Variants in PIGZ observed in about 807,000 individuals in gnomAD.
The protein encoded by PIGZ is phosphatidylinositol glycan anchor biosynthesis class Z (Gwada blood group).
Under a neutral mutation model 16.4 loss-of-function variants are expected in PIGZ, and 16 were observed. The observed-to-expected ratio is 0.97, with a 90% CI of 0.66 to 1.48. PIGZ has a LOEUF of 1.48. PIGZ is among the 40% of genes most tolerant of loss of function. PIGZ has a pLI of 0.00. For synonymous variants in PIGZ, 409 were observed against 338.4 expected (o/e 1.21, Z -2.29); for missense variants, 770 against 739.2 (o/e 1.04, Z -0.48).
rs1716903482 is a variant in PIGZ, at chr3:196,946,935, C to G, written c.*222G>C. On this transcript the variant is annotated 3_prime_UTR_variant, in exon 3 of 3. Coordinates refer to ENST00000412723, the MANE Select transcript of PIGZ (RefSeq NM_025163.4). ...GTCACTTAACCTGGTCTTTGGGGAC[C>G]TTGACATCAAGACCGACAGGTCAAA... 2 of 481,778 alleles carry G rather than the reference C, an allele frequency of 4.2e-6. No homozygotes were observed. The highest frequency in any genetic ancestry group is 8.4e-5 in the South Asian group (2 of 23,892). 29.8% of individuals were successfully genotyped at this position (481,778 alleles called of 1,614,324 possible).
Position 196,947,844 on chromosome 3 carries a change from C to T in PIGZ, c.1053G>A (p.Met351Ile). 6.2e-7 allele frequency: 1 copy of T among 1,612,862 alleles called. No individual in the cohort carries two copies. The highest frequency in any genetic ancestry group is 8.5e-7 in the Non-Finnish European group (1 of 1,179,174). The change falls in exon 3 of 3, where the codon ATG (methionine) becomes ATA (isoleucine). Residue 351 changes from methionine to isoleucine, a missense_variant. Coordinates refer to ENST00000412723, the MANE Select transcript of PIGZ (RefSeq NM_025163.4). ...LQVGLQASAQ[M>I]GLLRALGARS... Reference sequence around the variant, plus strand: ...GGGCACCCAGTGCCCTCAGGAGGCCCATTTGTGCAGAGGCCTGGAGGCCGA... The same window carrying T: ...GGGCACCCAGTGCCCTCAGGAGGCCTATTTGTGCAGAGGCCTGGAGGCCGA...
intron 1 of PIGZ, among the ~76,000 whole-genome samples, chr3:196,960,399 C>T (rs554814468): frequency 1.6e-4 from 25 of 152,170 alleles, no homozygotes; most frequent in Admixed American, 7.9e-4. Flanking sequence ...CGGCTGGGAG[C>T]GGTGGCTCAC....
intron 1 of PIGZ, among the ~76,000 whole-genome samples, chr3:196,966,185 T>C (rs1717918717): frequency 6.6e-6 from 1 of 152,208 alleles, no homozygotes; most frequent in Non-Finnish European, 1.5e-5. Flanking sequence ...GCTAATAACA[T>C]GGAGGTTAAG....
In PIGZ at chr3:196,948,041, A is replaced by G; in HGVS notation, c.856T>C (p.Ser286Pro). The G allele has an allele frequency of 6.3e-7, 1 of 1,593,636 alleles. No individual in the cohort carries two copies. The highest frequency in any genetic ancestry group is 2.2e-5 in the East Asian group (1 of 44,516). The change falls in exon 3 of 3, where the codon TCC (serine) becomes CCC (proline). Residue 286 changes from serine (S) to proline (P), a missense_variant. Transcript: ENST00000412723. ...DSWYFSSPAT[S>P]RNLVLTPVNF... is the part of the protein sequence containing the mutation. ...ACAGGTGTCAGGACAAGGTTCCTGGATGTAGCGGGGCTGGAGAAATACCAG... is the reference window on the plus strand; with the variant it reads ...ACAGGTGTCAGGACAAGGTTCCTGGGTGTAGCGGGGCTGGAGAAATACCAG...
chr3:196,959,647 C>A (rs763309689), intron 1 of PIGZ, among the ~76,000 whole-genome samples: 5 of 152,236 alleles, frequency 3.3e-5, no homozygotes, highest in African/African-American at 4.8e-5. Flanking sequence ...CTCCTCCTCC[C>A]TTCACAGGGA....
At chr3:196,953,270 C>A (rs1207563503) in intron 1 of PIGZ, among the ~76,000 whole-genome samples, 1 of 152,230 alleles carries the variant, frequency 6.6e-6, no homozygotes, top group Non-Finnish European at 1.5e-5. Flanking sequence ...CTGGGTCTTG[C>A]AGCCCATCCT....
At chr3:196,958,088 C>T (rs1388276717) in intron 1 of PIGZ, among the ~76,000 whole-genome samples, 1 of 152,162 alleles carries the variant, frequency 6.6e-6, no homozygotes, top group Non-Finnish European at 1.5e-5. Context: ...TCTCTAAGTC[C>T]CTGTCTTCAT....
intron 1 of PIGZ, among the ~76,000 whole-genome samples, chr3:196,956,964 G>A (rs887308442): frequency 2.0e-5 from 3 of 152,128 alleles, no homozygotes; most frequent in African/African-American, 7.2e-5. Flanking sequence ...CTCACTCATA[G>A]TGCCCTGTTT....
chr3:196,968,138 T>A (rs1381461875), intron 1 of PIGZ, among the ~76,000 whole-genome samples: 1 of 152,146 alleles, frequency 6.6e-6, no homozygotes, highest in Non-Finnish European at 1.5e-5. Flanking sequence ...CGCGCCCCCA[T>A]GCCACCCCTG....
rs1420011601 is a variant in PIGZ, at chr3:196,965,267, G to A, written c.-1+3420C>T. Among the ~76,000 whole-genome samples the A allele has an allele frequency of 6.6e-6, 1 of 152,188 alleles. No homozygotes were observed. The highest frequency in any genetic ancestry group is 2.4e-5 in the African/African-American group (1 of 41,448). On this transcript the variant is annotated intron_variant, in intron 1 of 2. Transcript: ENST00000412723. The surrounding 1 kb of genome is among the most constrained non-coding windows in gnomAD (Gnocchi z 4.2). ...AGGAAACTTACAGTCATAGCGGAAG[G>A]GGAAGCAGGCACCTCTTCACAAGGT...
intron 1 of PIGZ, among the ~76,000 whole-genome samples, chr3:196,968,483 A>T (rs1019604410): frequency 1.3e-5 from 2 of 152,224 alleles, no homozygotes; most frequent in African/African-American, 4.8e-5. Context: ...GGGGCGGGTC[A>T]GTGCTTCGAG....
In PIGZ at chr3:196,947,879, G is replaced by A. The variant is rs762754109; in HGVS notation, c.1018C>T (p.Arg340Trp). 1.1e-5 allele frequency: 17 copies of A among 1,613,932 alleles called. No individual in the cohort carries two copies. The Admixed American group carries it at 1.5e-4, about 14-fold the overall frequency. ...GAGGCCTGGAGGCCGACTTGCAGCCGTTGCCACGCAGCCTGCAGGGCCTGG... is the reference window on the plus strand; with the variant it reads ...GAGGCCTGGAGGCCGACTTGCAGCCATTGCCACGCAGCCTGCAGGGCCTGG... ...HAQALQAAWQ[R>W]LQVGLQASAQ... Residue 340 changes from arginine (R) to tryptophan (W), a missense_variant, in exon 3 of 3, where the codon CGG becomes TGG. Arg to Trp is a moderately radical substitution (Grantham distance 101, BLOSUM62 -3). Coordinates refer to ENST00000412723, the MANE Select transcript of PIGZ (RefSeq NM_025163.4).
chr3:196,963,542 A>G (rs1577899373), intron 1 of PIGZ, among the ~76,000 whole-genome samples: 1 of 152,222 alleles, frequency 6.6e-6, no homozygotes, highest in East Asian at 1.9e-4. Flanking sequence ...AGATCAAGGA[A>G]ATCTTTTCCA....
intron 1 of PIGZ, among the ~76,000 whole-genome samples, 189 bp from the exon 2 acceptor site, chr3:196,952,220 A>G (rs4916594): frequency 0.38 from 58,063 of 151,822 alleles, 12,302 homozygotes; most frequent in East Asian, 0.83. Flanking sequence ...CACAGTCTGG[A>G]GCAGTGGGTC....
intron 2 of PIGZ, among the ~76,000 whole-genome samples, chr3:196,950,744 C>CTTTTTTT (rs35150164): frequency 5.5e-5 from 8 of 145,596 alleles, no homozygotes; most frequent in Non-Finnish European, 7.5e-5. Flanking sequence ...CTTCATTAGA[C>CTTTTTTT]TTTTTTTTTT....
intron 2 of PIGZ, among the ~76,000 whole-genome samples, chr3:196,951,234 G>A (rs983040281): frequency 4.6e-5 from 7 of 152,202 alleles, no homozygotes; most frequent in Non-Finnish European, 1.0e-4. Flanking sequence ...TGGAAAGACT[G>A]CCTGTAGGCT....
In PIGZ at chr3:196,947,827, A is replaced by G. The variant is rs1716976840; in HGVS notation, c.1070T>C (p.Leu357Pro). 1.2e-6 allele frequency: 2 copies of G among 1,610,680 alleles called. No homozygotes were observed. The highest frequency in any genetic ancestry group is 1.1e-5 in the South Asian group (1 of 90,904). The change falls in exon 3 of 3, where the codon CTG (leucine) becomes CCG (proline). Residue 357 changes from leucine to proline, a missense_variant. Coordinates refer to ENST00000412723, the MANE Select transcript of PIGZ (RefSeq NM_025163.4). Reference sequence around the variant, plus strand: ...GCTGGACAGCAGGCTCCGGGCACCCAGTGCCCTCAGGAGGCCCATTTGTGC... The same window carrying G: ...GCTGGACAGCAGGCTCCGGGCACCCGGTGCCCTCAGGAGGCCCATTTGTGC... ...ASAQMGLLRA[L>P]GARSLLSSPR...
chr3:196,967,395 T>G (rs1480642892), intron 1 of PIGZ, among the ~76,000 whole-genome samples: 1 of 152,162 alleles, frequency 6.6e-6, no homozygotes, highest in Non-Finnish European at 1.5e-5. Context: ...GTAAACTTCC[T>G]GGCAAAGCTG....
chr3:196,954,547 T>C (rs1403577809), intron 1 of PIGZ, among the ~76,000 whole-genome samples: 1 of 152,248 alleles, frequency 6.6e-6, no homozygotes, highest in Non-Finnish European at 1.5e-5. Context: ...TGCTCATCTT[T>C]ATTTTTTCTT....
Sources: allele counts gnomAD v4.1 joint callset (sites outside exome capture counted in the v4.1 genomes callset), GRCh38; gene constraint gnomAD v4.1.1; non-coding constraint Gnocchi (gnomAD v3.1); transcripts MANE v1.5; gene names NCBI Gene and HGNC (gene_info 2026-07-23, HGNC 2026-07-21).